COPS7B: variants seen among roughly 807,000 people sequenced by gnomAD.
The protein encoded by COPS7B is COP9 signalosome complex subunit 7b.
In COPS7B, 9 loss-of-function variants were observed where a neutral mutation model predicts 33.4. The ratio of observed to expected loss-of-function variants is 0.27; its 90% CI spans 0.16 to 0.47. The LOEUF is 0.47. COPS7B is among the 20% of genes least tolerant of loss of function. The pLI is 0.99. For synonymous variants in COPS7B, 119 were observed against 126.3 expected (o/e 0.94, Z 0.39); for missense variants, 242 against 318.2 (o/e 0.76, Z 1.82).
At chr2:231,784,405 C>T (rs1313517531), upstream of COPS7B, among the ~76,000 whole-genome samples, 1 of 151,994 alleles carries the variant, frequency 6.6e-6, no homozygotes, top group Non-Finnish European at 1.5e-5. Flanking sequence ...TCCCTTGAGC[C>T]CAGAAGTTCA....
intron 3 of COPS7B, among the ~76,000 whole-genome samples, chr2:231,792,454 T>C (rs772368637): frequency 1.3e-5 from 2 of 152,212 alleles, no homozygotes; most frequent in African/African-American, 2.4e-5. Flanking sequence ...ATTGCACCGC[T>C]GTACTCCAGC....
chr2:231,783,158 G>A (rs1385525103), upstream of COPS7B, among the ~76,000 whole-genome samples: 1 of 152,172 alleles, frequency 6.6e-6, no homozygotes, highest in Non-Finnish European at 1.5e-5. Context: ...TCTGTTGTAT[G>A]TTTATACCAC....
At chr2:231,801,272 A>G in intron 6 of COPS7B, 1 of 1,542,732 alleles carries the variant, frequency 6.5e-7, no homozygotes, top group Non-Finnish European at 8.8e-7. Context: ...CTGCCGAAGA[A>G]TATTCTCTCC....
intron 4 of COPS7B, 110 bp downstream of exon 4, chr2:231,794,461 A>G: frequency 2.4e-6 from 2 of 828,234 alleles, no homozygotes; most frequent in Admixed American, 2.7e-5. Flanking sequence ...TCATAAATGC[A>G]TAAAATTTGC....
chr2:231,788,502 C>G, intron 1 of COPS7B, 53 bp from the exon 2 acceptor site: 1 of 1,554,360 alleles, frequency 6.4e-7, no homozygotes, highest in South Asian at 1.2e-5. Flanking sequence ...TGAATAGGCA[C>G]AGACTTTGCA....
At chr2:231,795,208 C>T (rs919172499) in intron 4 of COPS7B, among the ~76,000 whole-genome samples, 2 of 152,044 alleles carry the variant, frequency 1.3e-5, no homozygotes, top group East Asian at 1.9e-4. Context: ...CATGAGCCAC[C>T]GTGCCCGGCC....
intron 4 of COPS7B, 99 bp downstream of exon 4, chr2:231,794,450 A>G (rs1220878300): frequency 2.2e-6 from 2 of 894,550 alleles, no homozygotes. Flanking sequence ...GGAGAGTCAC[A>G]TCATAAATGC....
In COPS7B at chr2:231,809,230, A is replaced by C. The variant is rs1276945865; in HGVS notation, c.*1585A>C. On this transcript the variant is annotated 3_prime_UTR_variant, in exon 7 of 7. Coordinates refer to ENST00000350033, the MANE Select transcript of COPS7B (RefSeq NM_022730.4). ...TGGAAAAGGGGTTCTGTTATGAAAT[A>C]AATGTTGCACTCCCTGCATCCCATA... The C allele has an allele frequency of 1.3e-5, 2 of 152,568 alleles. No individual in the cohort carries two copies. The highest frequency in any genetic ancestry group is 2.9e-5 in the Non-Finnish European group (2 of 68,056). The allele number at this position is 152,568 out of a possible 1,614,324, so 9.5% of individuals were successfully genotyped here.
chr2:231,796,159 A>G lies in COPS7B; in HGVS notation c.381A>G (p.Glu127=), dbSNP rs747668433. The change falls in exon 5 of 7, where the codon GAA becomes GAG. Residue 127 remains glutamate (E), a synonymous_variant. Coordinates refer to ENST00000350033, the MANE Select transcript of COPS7B (RefSeq NM_022730.4). ...ACCTGGAGATGCGGAATCTCCGGGAACTAGAAGACCTTATCATTGAGGCTG... is the reference window on the plus strand; with the variant it reads ...ACCTGGAGATGCGGAATCTCCGGGAGCTAGAAGACCTTATCATTGAGGCTG... ...LKDLEMRNLR[E]LEDLIIEAVY... The G allele has an allele frequency of 6.2e-7, 1 of 1,614,180 alleles. No homozygotes were observed. Among genetic ancestry groups the G allele is most frequent in the Non-Finnish European group, 8.5e-7 (1 of 1,180,020 alleles).
intron 6 of COPS7B, among the ~76,000 whole-genome samples, chr2:231,802,189 G>A (rs886610610): frequency 2.6e-5 from 4 of 152,200 alleles, no homozygotes; most frequent in African/African-American, 4.8e-5. Context: ...GTCGTAAAGT[G>A]TAACTGGACA....
chr2:231,789,405 A>T (rs2049345090), intron 2 of COPS7B: 1 of 152,242 alleles, frequency 6.6e-6, no homozygotes, highest in African/African-American at 2.4e-5. Context: ...ATTTATATTT[A>T]TTCACTTATT....
At chr2:231,782,026 G>A (rs1334296301), upstream of COPS7B, 2 of 716,768 alleles carry the variant, frequency 2.8e-6, no homozygotes, top group South Asian at 1.8e-5. Context: ...GGTTTGCACC[G>A]GGAGAGCTAT....
intron 4 of COPS7B, among the ~76,000 whole-genome samples, chr2:231,794,919 AT>A (rs906484977): frequency 6.6e-3 from 891 of 135,774 alleles, no homozygotes; most frequent in South Asian, 0.011. Context: ...CGCCCGGCTA[AT>A]TTTTTTTTTT....
intron 1 of COPS7B, among the ~76,000 whole-genome samples, chr2:231,787,370 C>G (rs1226779602): frequency 1.3e-5 from 2 of 152,202 alleles, no homozygotes; most frequent in African/African-American, 4.8e-5. Context: ...CTTTGCTGCA[C>G]TCTACTATAC....
chr2:231,790,493 G>A (rs2049380355), intron 2 of COPS7B: 1 of 152,194 alleles, frequency 6.6e-6, no homozygotes, highest in African/African-American at 2.4e-5. Flanking sequence ...TCTCCATAGG[G>A]TGCTTAGCAG....
In COPS7B at chr2:231,796,320, A is replaced by T. The variant is rs2049569367; in HGVS notation, c.530+12A>T. ...ACCCTGCATGAATGGTGAGGCTAAA[A>T]GGAGGAGGGGGATATCTAGCATGTC... On this transcript the variant is annotated intron_variant, in intron 5 of 6. Transcript: ENST00000350033. 6.2e-7 allele frequency: 1 copy of T among 1,611,182 alleles called. No homozygotes were observed. The highest frequency in any genetic ancestry group is 1.8e-4 in the Middle Eastern group (1 of 5,626).
rs1261486970 is a variant in COPS7B, at chr2:231,808,899, AAAAT to A, written c.*1258_*1261del. On this transcript the variant is annotated 3_prime_UTR_variant, in exon 7 of 7. Coordinates refer to ENST00000350033, the MANE Select transcript of COPS7B (RefSeq NM_022730.4). ...AGGAAAAAGCACATTTTACAACAAA[AAAAT>A]AAAAGTGTAGATTTAATGTATGTGA... The A allele has an allele frequency of 6.4e-6, 1 of 156,518 alleles. No individual in the cohort carries two copies. Among genetic ancestry groups the A allele is most frequent in the East Asian group, 1.9e-4 (1 of 5,250 alleles). The allele number at this position is 156,518 out of a possible 1,614,324, so 9.7% of individuals were successfully genotyped here.
chr2:231,807,074 A>G (rs1482235321), intron 6 of COPS7B, among the ~76,000 whole-genome samples: 31 of 152,234 alleles, frequency 2.0e-4, no homozygotes, highest in Non-Finnish European at 1.5e-5. Context: ...GCTGAAGTTC[A>G]TCCTCTACTG....
At chr2:231,789,391 A>T (rs944538613) in intron 2 of COPS7B, 1 of 152,210 alleles carries the variant, frequency 6.6e-6, no homozygotes, top group Admixed American at 6.5e-5. Context: ...GAACATTTTT[A>T]TTTATTTATA....
Sources: allele counts gnomAD v4.1 joint callset (sites outside exome capture counted in the v4.1 genomes callset), GRCh38; gene constraint gnomAD v4.1.1; transcripts MANE v1.5; gene names NCBI Gene and HGNC (gene_info 2026-07-23, HGNC 2026-07-21).